The following EDN1 variants were observed in gnomAD, a reference collection of about 807,000 sequenced individuals.
EDN1 encodes endothelin 1.
Under a neutral mutation model 21.7 loss-of-function variants are expected in EDN1, and 11 were observed. That is an observed-to-expected ratio of 0.51 (90% CI 0.32 to 0.84). The LOEUF (loss-of-function observed/expected upper bound fraction) is 0.84, where lower values mean the gene tolerates loss of function less well. Among genes scored for constraint, EDN1 ranks in the 40% least tolerant of loss-of-function variants. The pLI, the probability that EDN1 is intolerant of heterozygous loss-of-function variation, is 0.03. For synonymous variants in EDN1, 85 were observed against 90.6 expected, an observed-to-expected ratio of 0.94 and a Z score of 0.35; for missense variants, 244 against 262.3, an observed-to-expected ratio of 0.93 and a Z score of 0.48.
the EDN1 span, among the ~76,000 whole-genome samples, chr6:12,240,281 C>T: frequency 6.6e-6 from 1 of 152,150 alleles, no homozygotes; most frequent in African/African-American, 2.4e-5. Flanking sequence ...GAAACATTTC[C>T]TAAAGGGAGA....
the EDN1 span, among the ~76,000 whole-genome samples, chr6:12,251,838 C>G: frequency 3.9e-5 from 6 of 152,190 alleles, no homozygotes; most frequent in African/African-American, 9.7e-5. Flanking sequence ...TCAGACCTCT[C>G]CTTTCCTCCC....
chr6:12,252,127 A>C, the EDN1 span, among the ~76,000 whole-genome samples: 1 of 152,204 alleles, frequency 6.6e-6, no homozygotes, highest in Non-Finnish European at 1.5e-5. Flanking sequence ...CATTTATATT[A>C]GGCCAAATCG....
chr6:12,275,004 CCCTTCCTT>C, the EDN1 span, among the ~76,000 whole-genome samples: 2 of 140,402 alleles, frequency 1.4e-5, no homozygotes, highest in South Asian at 4.5e-4. Flanking sequence ...CTCCCTCCCT[CCCTTCCTT>C]CCTTCCTTCT....
chr6:12,272,026 C>G, the EDN1 span, among the ~76,000 whole-genome samples: 5 of 152,142 alleles, frequency 3.3e-5, no homozygotes, highest in African/African-American at 1.2e-4. Context: ...AATGACTAAG[C>G]TAGAAAGAGA....
chr6:12,238,289 G>C, the EDN1 span, among the ~76,000 whole-genome samples: 1 of 152,096 alleles, frequency 6.6e-6, no homozygotes, highest in South Asian at 2.1e-4. Flanking sequence ...GGATGTAGGC[G>C]TTCCTCTGGG....
At chr6:12,238,709 C>T in the EDN1 span, among the ~76,000 whole-genome samples, 1 of 152,112 alleles carries the variant, frequency 6.6e-6, no homozygotes, top group Non-Finnish European at 1.5e-5. Context: ...TAAGCTGATG[C>T]AAGAAAACCA....
the EDN1 span, among the ~76,000 whole-genome samples, chr6:12,252,408 C>T: frequency 3.3e-5 from 5 of 152,216 alleles, no homozygotes; most frequent in South Asian, 4.1e-4. Context: ...AAAACACAAA[C>T]GAAATAAAAA....
upstream of EDN1, among the ~76,000 whole-genome samples, chr6:12,290,107 G>C (rs1207577453): frequency 6.6e-6 from 1 of 152,108 alleles, no homozygotes; most frequent in Non-Finnish European, 1.5e-5. Context: ...AGCACTGCAC[G>C]GGCAGGTTTA....
chr6:12,270,356 A>G, the EDN1 span, among the ~76,000 whole-genome samples: 3 of 151,644 alleles, frequency 2.0e-5, no homozygotes, highest in Non-Finnish European at 4.4e-5. Flanking sequence ...TAGTTTCTTG[A>G]GGTACAATGT....
upstream of EDN1, among the ~76,000 whole-genome samples, chr6:12,289,561 G>C (rs1220967425): frequency 1.3e-5 from 2 of 152,098 alleles, no homozygotes; most frequent in African/African-American, 2.4e-5. Context: ...TGGTGGCACC[G>C]ACCAATCTTA....
At position 12,290,646 on chromosome 6, in the gene EDN1, T is replaced by C; in HGVS notation, c.17T>C (p.Met6Thr). ...TTTTTCAGAATGGATTATTTGCTCA[T>C]GATTTTCTCTCTGCTGTTTGTGGCT... MDYLL[M>T]IFSLLFVACQ... Residue 6 changes from methionine (M) to threonine (T), a missense_variant, in exon 1 of 5, where the codon ATG (methionine) becomes ACG (threonine). Physicochemically the swap from Met to Thr is moderately conservative, Grantham distance 81. Transcript: ENST00000379375. The C allele has an allele frequency of 6.2e-7, 1 of 1,614,240 alleles. No homozygotes were observed. The highest frequency in any genetic ancestry group is 1.1e-5 in the South Asian group (1 of 91,088).
Position 12,296,935 on chromosome 6 carries a change from T to C in EDN1, c.*868T>C, listed in dbSNP as rs1387232544. 2 of 152,244 alleles carry C rather than the reference T, an allele frequency of 1.3e-5. No homozygotes were observed. The highest frequency in any genetic ancestry group is 2.9e-5 in the Non-Finnish European group (2 of 68,044). 9.4% of individuals were successfully genotyped at this position (152,244 alleles called of 1,614,324 possible). A position where few individuals can be genotyped will look rare whatever the true frequency, so the allele number is the denominator to read the frequency against. On this transcript the variant is annotated 3_prime_UTR_variant, in exon 5 of 5. Coordinates refer to ENST00000379375, the MANE Select transcript of EDN1 (RefSeq NM_001955.5). ...TTGAAAAGTAAGTGTTTGTTACGCTTTAAAGCAGTAAAATTATTTTCCTTT... is the reference window on the plus strand; with the variant it reads ...TTGAAAAGTAAGTGTTTGTTACGCTCTAAAGCAGTAAAATTATTTTCCTTT...
the EDN1 span, among the ~76,000 whole-genome samples, chr6:12,271,487 A>G: frequency 6.6e-6 from 1 of 152,102 alleles, no homozygotes; most frequent in Non-Finnish European, 1.5e-5. Flanking sequence ...AAAATTTTTA[A>G]TTTTGCTGCT....
At chr6:12,232,105 T>C in the EDN1 span, among the ~76,000 whole-genome samples, 1 of 146,746 alleles carries the variant, frequency 6.8e-6, no homozygotes, top group East Asian at 1.9e-4. Context: ...AATTATATAT[T>C]TTATATTTTA....
chr6:12,258,193 C>A, the EDN1 span, among the ~76,000 whole-genome samples: 3 of 151,486 alleles, frequency 2.0e-5, no homozygotes, highest in African/African-American at 7.3e-5. Context: ...GAGGCTCATG[C>A]CTGTAATCCC....
the EDN1 span, among the ~76,000 whole-genome samples, chr6:12,281,588 A>G: frequency 6.7e-6 from 1 of 150,042 alleles, no homozygotes; most frequent in African/African-American, 2.5e-5. Flanking sequence ...ATGAGTAGAC[A>G]TTAGTTTCTG....
At chr6:12,263,211 C>T in the EDN1 span, among the ~76,000 whole-genome samples, 1 of 152,196 alleles carries the variant, frequency 6.6e-6, no homozygotes, top group Non-Finnish European at 1.5e-5. Flanking sequence ...ATCTCAAATA[C>T]TTTTAAGCCA....
Position 12,296,643 on chromosome 6 carries a change from C to T in EDN1, c.*576C>T. The T allele has an allele frequency of 6.4e-6, 1 of 157,380 alleles. No homozygotes were observed. The highest frequency in any genetic ancestry group is 1.8e-4 in the South Asian group (1 of 5,424). 9.7% of individuals were successfully genotyped at this position (157,380 alleles called of 1,614,324 possible). A position where few individuals can be genotyped will look rare whatever the true frequency, so the allele number is the denominator to read the frequency against. On this transcript the variant is annotated 3_prime_UTR_variant, in exon 5 of 5. Coordinates refer to ENST00000379375, the MANE Select transcript of EDN1 (RefSeq NM_001955.5). Reference sequence around the variant, plus strand: ...ATATGTTTCATGAATATGAGTCTACCTCACCTATATTGCACTCTGGCAGAA... The same window carrying T: ...ATATGTTTCATGAATATGAGTCTACTTCACCTATATTGCACTCTGGCAGAA...
At chr6:12,284,735 G>GAAA in the EDN1 span, among the ~76,000 whole-genome samples, 72 of 130,564 alleles carry the variant, frequency 5.5e-4, 1 homozygote, top group Non-Finnish European at 7.4e-4. Flanking sequence ...AAGGAAGGAA[G>GAAA]GAAGGAAGGA....
Sources: allele counts gnomAD v4.1 joint callset (sites outside exome capture counted in the v4.1 genomes callset), GRCh38; gene constraint gnomAD v4.1.1; transcripts MANE v1.5; gene names NCBI Gene and HGNC (gene_info 2026-07-23, HGNC 2026-07-21).